GLIS3: variants seen among roughly 807,000 people sequenced by gnomAD.
GLIS3 encodes GLIS family zinc finger 3, also known as zinc finger protein GLIS3.
A neutral mutation model predicts 78.6 loss-of-function variants in GLIS3; 53 were observed. The observed-to-expected ratio is 0.67, with a 90% CI of 0.54 to 0.85. The LOEUF is 0.85. Ranked by LOEUF, GLIS3 falls within the 40% of genes least tolerant of loss-of-function variation. The pLI, the probability that GLIS3 is intolerant of heterozygous loss-of-function variation, is 0.00. For synonymous variants in GLIS3, 684 were observed against 509.9 expected, an observed-to-expected ratio of 1.34 and a Z score of -4.60; for missense variants, 1,703 against 1,231.1, an observed-to-expected ratio of 1.38 and a Z score of -5.74.
the GLIS3 span, among the ~76,000 whole-genome samples, chr9:4,385,199 C>T: frequency 6.6e-6 from 1 of 152,204 alleles, no homozygotes; most frequent in Admixed American, 6.5e-5. Context: ...TCTGCATTCC[C>T]TTCGATTTCC....
intron 2 of GLIS3, among the ~76,000 whole-genome samples, chr9:4,128,422 T>C (rs897528794): frequency 3.9e-5 from 6 of 152,252 alleles, no homozygotes; most frequent in Non-Finnish European, 5.9e-5. Context: ...GAAGCATCTC[T>C]ACTTCCTTAG....
intron 4 of GLIS3, among the ~76,000 whole-genome samples, chr9:4,073,139 G>T (rs1827753899): frequency 1.3e-5 from 2 of 152,016 alleles, no homozygotes; most frequent in Admixed American, 6.6e-5. Flanking sequence ...TGAGTTGCAC[G>T]CCTGTTCCTC....
At chr9:4,043,943 C>A (rs943520207) in intron 4 of GLIS3, among the ~76,000 whole-genome samples, 8 of 152,216 alleles carry the variant, frequency 5.3e-5, no homozygotes, top group Admixed American at 2.0e-4. Context: ...ACCTGCAGCA[C>A]TGGCCAGCAC....
chr9:4,121,330 G>A lies in GLIS3; in HGVS notation c.597-2449C>T, dbSNP rs1015171946. Among the ~76,000 whole-genome samples, 14 of 152,210 alleles carry A rather than the reference G, an allele frequency of 9.2e-5. No individual in the cohort carries two copies. The East Asian group carries it at 2.5e-3, about 27-fold the overall frequency. ...ATGTAGTTAACTTCAGGCATCTGTG[G>A]GTGTTATATTCTTCAATAAATTTCA... On this transcript the variant is annotated intron_variant, in intron 3 of 10. Transcript: ENST00000381971.
chr9:4,082,752 C>T (rs920325018), intron 4 of GLIS3, among the ~76,000 whole-genome samples: 7 of 152,198 alleles, frequency 4.6e-5, no homozygotes, highest in African/African-American at 1.7e-4. Context: ...CTTTGTAACT[C>T]TCCACTCTTT....
chr9:3,851,271 G>A (rs1395796376), intron 9 of GLIS3, among the ~76,000 whole-genome samples: 1 of 152,188 alleles, frequency 6.6e-6, no homozygotes, highest in Non-Finnish European at 1.5e-5. Context: ...CTGGGCAAGA[G>A]AAGTGTCCTA....
the GLIS3 span, among the ~76,000 whole-genome samples, chr9:4,376,262 T>C: frequency 6.6e-6 from 1 of 152,102 alleles, no homozygotes; most frequent in Non-Finnish European, 1.5e-5. Context: ...TGGGGAAAAC[T>C]TACGAAAGAA....
chr9:4,059,829 T>TGTGTGTGTGTCAGAGA, intron 4 of GLIS3, among the ~76,000 whole-genome samples: 1 of 100,648 alleles, frequency 9.9e-6, no homozygotes, highest in East Asian at 3.3e-4. Context: ...TGTGTGTGTG[T>TGTGTGTGTGTCAGAGA]GAGAGAGAGA....
chr9:4,454,168 A>AG, the GLIS3 span, among the ~76,000 whole-genome samples: 3 of 150,470 alleles, frequency 2.0e-5, no homozygotes, highest in East Asian at 5.8e-4. Context: ...AAAAAAAAAA[A>AG]AAGAAGAAAG....
intron 1 of GLIS3, among the ~76,000 whole-genome samples, chr9:4,298,780 G>A (rs1218669748): frequency 6.6e-6 from 1 of 152,132 alleles, no homozygotes; most frequent in Non-Finnish European, 1.5e-5. Context: ...CAGACCTGGC[G>A]GCTGCGGATC....
At chr9:4,278,138 G>T (rs1471582504) in intron 2 of GLIS3, among the ~76,000 whole-genome samples, 2 of 152,194 alleles carry the variant, frequency 1.3e-5, no homozygotes, top group Non-Finnish European at 2.9e-5. Context: ...TGAAAACACT[G>T]ACAAGTGTGC....
chr9:4,159,030 G>GCA (rs143925099), intron 2 of GLIS3, among the ~76,000 whole-genome samples: 1 of 79,094 alleles, frequency 1.3e-5, no homozygotes, highest in African/African-American at 4.9e-5. Flanking sequence ...GAAAGGAGAA[G>GCA]AAGAAAAAAA....
intron 2 of GLIS3, among the ~76,000 whole-genome samples, chr9:4,252,657 G>A (rs1480452507): frequency 6.6e-6 from 1 of 152,126 alleles, no homozygotes; most frequent in African/African-American, 2.4e-5. Context: ...CCTTGCTGGT[G>A]AGGAGTTGTG....
intron 2 of GLIS3, among the ~76,000 whole-genome samples, chr9:4,325,204 T>C (rs1044841600): frequency 6.6e-6 from 1 of 152,146 alleles, no homozygotes; most frequent in Non-Finnish European, 1.5e-5. Context: ...AAGCTGCAAA[T>C]ACAATCACAT....
At chr9:4,246,591 G>A (rs144687366) in intron 2 of GLIS3, among the ~76,000 whole-genome samples, 14 of 152,254 alleles carry the variant, frequency 9.2e-5, no homozygotes, top group Admixed American at 5.2e-4. Flanking sequence ...CATTACTGCA[G>A]CAAAGCATTT....
chr9:4,185,061 G>A (rs1817662262), intron 2 of GLIS3, among the ~76,000 whole-genome samples: 1 of 152,032 alleles, frequency 6.6e-6, no homozygotes, highest in African/African-American at 2.4e-5. Flanking sequence ...TTAGACCATT[G>A]CCATCATCCC....
intron 4 of GLIS3, among the ~76,000 whole-genome samples, chr9:4,006,246 G>A (rs905107755): frequency 1.5e-5 from 2 of 137,710 alleles, no homozygotes; most frequent in African/African-American, 5.5e-5. Flanking sequence ...AACAGCATGA[G>A]AGCTCCTTTT....
chr9:4,321,282 AGTGG>A lies in GLIS3; in HGVS notation n.265-10758_265-10755del, dbSNP rs1563932011. On this transcript the variant is annotated intron_variant and non_coding_transcript_variant, in intron 2 of 4. Coordinates refer to the GLIS3 transcript ENST00000471664. ...AAAAATACAAAAAAAATTAGCCGGG[AGTGG>A]TGGCGGGCGCCTGTAGTCCCAGCTA... 9.2e-5 allele frequency among the ~76,000 whole-genome samples: 9 copies of A among 97,884 alleles called. 1 individual carries two copies. The highest frequency in any genetic ancestry group is 3.1e-4 in the African/African-American group (7 of 22,282). 64.2% of individuals were successfully genotyped at this position (97,884 alleles called of 152,430 possible).
intron 2 of GLIS3, among the ~76,000 whole-genome samples, chr9:4,265,453 G>T (rs78221922): frequency 0.019 from 2,782 of 145,616 alleles, 104 homozygotes; most frequent in African/African-American, 0.071. Flanking sequence ...ACAGAACTGG[G>T]ATTCAATCTC....
Sources: gnomAD v4.1 joint callset for allele counts (sites outside exome capture counted in the v4.1 genomes callset) on GRCh38, gnomAD v4.1.1 for gene constraint, MANE v1.5 for transcripts, NCBI Gene and HGNC (gene_info 2026-07-23, HGNC 2026-07-21) for gene names.